Variants in PARD3B observed in about 807,000 individuals in gnomAD.
The protein encoded by PARD3B is partitioning defective 3 homolog B.
PARD3B carries 103 observed loss-of-function variants against 130.2 expected under a neutral mutation model. The observed-to-expected ratio is 0.79, with a 90% CI of 0.67 to 0.93. The LOEUF is 0.93. Ranked by LOEUF, PARD3B falls within the 40% of genes least tolerant of loss-of-function variation. The probability of loss-of-function intolerance (pLI) is 0.00; values close to 1 mark genes in which losing one functional copy is unlikely to be tolerated. For missense variants in PARD3B, 1,609 were observed against 1,499.2 expected, an observed-to-expected ratio of 1.07 and a Z score of -1.21; for synonymous variants, 583 against 553.2, an observed-to-expected ratio of 1.05 and a Z score of -0.76.
At chr2:205,346,879 G>C (rs143108201) in intron 18 of PARD3B, among the ~76,000 whole-genome samples, 16 of 152,176 alleles carry the variant, frequency 1.1e-4, no homozygotes, top group African/African-American at 3.9e-4. Context: ...TGGGTGTCTT[G>C]TCTCCTTTTT....
intron 21 of PARD3B, among the ~76,000 whole-genome samples, chr2:205,510,757 CAA>C (rs2050559047): frequency 6.6e-6 from 1 of 152,042 alleles, no homozygotes; most frequent in Non-Finnish European, 1.5e-5. Flanking sequence ...GGGTGAGATA[CAA>C]AGAGAATATA....
chr2:205,026,668 C>T (rs1697054954), intron 3 of PARD3B, among the ~76,000 whole-genome samples: 1 of 152,112 alleles, frequency 6.6e-6, no homozygotes, highest in South Asian at 2.1e-4. Flanking sequence ...ACCCTTTGAC[C>T]AACTTCTCAA....
chr2:204,962,601 T>C lies in PARD3B; in HGVS notation c.223-2551T>C, dbSNP rs149349111. Among the ~76,000 whole-genome samples, 487 of 152,280 alleles carry C rather than the reference T, an allele frequency of 3.2e-3. 5 individuals are homozygous for C. Among genetic ancestry groups the C allele is most frequent in the African/African-American group, 0.011 (454 of 41,554 alleles). ...TAATTAATGAGTCTCTGTAACACTG[T>C]CTTCTGGGGAGTCTGCTACCGAGGA... On this transcript the variant is annotated intron_variant, in intron 2 of 22. Coordinates refer to ENST00000406610, the MANE Select transcript of PARD3B (RefSeq NM_001302769.2).
intron 4 of PARD3B, among the ~76,000 whole-genome samples, chr2:205,066,904 G>T (rs1700416278): frequency 6.6e-6 from 1 of 151,980 alleles, no homozygotes; most frequent in Non-Finnish European, 1.5e-5. Flanking sequence ...CCCTGGATGA[G>T]TTGAAACTGA....
At chr2:204,873,272 T>C (rs1047094071) in intron 2 of PARD3B, among the ~76,000 whole-genome samples, 2 of 152,186 alleles carry the variant, frequency 1.3e-5, no homozygotes, top group African/African-American at 4.8e-5. Flanking sequence ...TCTTTTACCC[T>C]AAAGAGGACG....
At chr2:204,880,363 T>G (rs1426761754) in intron 2 of PARD3B, among the ~76,000 whole-genome samples, 1 of 152,028 alleles carries the variant, frequency 6.6e-6, no homozygotes, top group Non-Finnish European at 1.5e-5. Context: ...TACATGCAGT[T>G]TGAAATGCAG....
At chr2:205,264,370 G>A (rs1395272406) in intron 16 of PARD3B, among the ~76,000 whole-genome samples, 2 of 151,078 alleles carry the variant, frequency 1.3e-5, no homozygotes, top group Non-Finnish European at 3.0e-5. Flanking sequence ...TTAATGATCA[G>A]TCTCATTTTT....
At chr2:205,296,975 G>A (rs527853656) in intron 16 of PARD3B, among the ~76,000 whole-genome samples, 19 of 151,872 alleles carry the variant, frequency 1.3e-4, no homozygotes, top group African/African-American at 3.6e-4. Flanking sequence ...ACCACCTTGA[G>A]AATAATTTTT....
chr2:205,317,343 G>A (rs959926363), intron 18 of PARD3B, among the ~76,000 whole-genome samples: 2 of 152,174 alleles, frequency 1.3e-5, no homozygotes, highest in Non-Finnish European at 2.9e-5. Flanking sequence ...ACTGATTACA[G>A]GGTAGATATG....
intron 18 of PARD3B, among the ~76,000 whole-genome samples, chr2:205,385,342 G>A (rs977745830): frequency 6.6e-6 from 1 of 151,960 alleles, no homozygotes; most frequent in Non-Finnish European, 1.5e-5. Context: ...TGACTGATTT[G>A]GAAAAGAACA....
At chr2:204,656,128 C>T (rs761185294) in intron 1 of PARD3B, among the ~76,000 whole-genome samples, 14 of 152,092 alleles carry the variant, frequency 9.2e-5, no homozygotes, top group Non-Finnish European at 2.1e-4. Context: ...CTATTGGCCA[C>T]TGCAAATCAC....
chr2:204,838,170 T>G (rs13393061), intron 2 of PARD3B, among the ~76,000 whole-genome samples: 16,813 of 151,642 alleles, frequency 0.11, 1,319 homozygotes, highest in African/African-American at 0.22. Flanking sequence ...TTGAATCAGG[T>G]TTTGTTTTCG....
rs1297914586 is a variant in PARD3B at position 205,309,494 on chromosome 2, ACTAT to A, written c.2630+7798_2630+7801del. 1.3e-5 allele frequency among the ~76,000 whole-genome samples: 2 copies of A among 152,174 alleles called. No individual in the cohort carries two copies. Among genetic ancestry groups the A allele is most frequent in the East Asian group, 1.9e-4 (1 of 5,194 alleles). Reference sequence around the variant, plus strand: ...TTTACTTCATTTTATTCTAAAATATACTATCTATTTTATTTAAACTAGGGGAATT... The same window carrying A: ...TTTACTTCATTTTATTCTAAAATATACTATTTTATTTAAACTAGGGGAATT... On this transcript the variant is annotated intron_variant, in intron 18 of 22. Transcript: ENST00000406610. This position sits in a 1 kb window ranked among gnomAD's most constrained non-coding sequence, Gnocchi z 4.7.
intron 2 of PARD3B, among the ~76,000 whole-genome samples, chr2:204,877,309 A>T (rs1317904039): frequency 1.1e-4 from 17 of 152,304 alleles, no homozygotes; most frequent in African/African-American, 4.1e-4. Flanking sequence ...TGATGAGTTA[A>T]TGGGTGCAGC....
At chr2:204,603,562 T>A (rs1342940708) in intron 1 of PARD3B, among the ~76,000 whole-genome samples, 1 of 152,058 alleles carries the variant, frequency 6.6e-6, no homozygotes, top group Non-Finnish European at 1.5e-5. Flanking sequence ...CTTTTTTTTT[T>A]AAAGATCATA....
At chr2:205,436,322 T>C (rs2047515192) in intron 19 of PARD3B, among the ~76,000 whole-genome samples, 1 of 152,174 alleles carries the variant, frequency 6.6e-6, no homozygotes, top group African/African-American at 2.4e-5. Context: ...AGTTCTTAGT[T>C]TGCTGTTTTC....
At chr2:205,221,620 A>G (rs1384093720) in intron 15 of PARD3B, among the ~76,000 whole-genome samples, 1 of 152,126 alleles carries the variant, frequency 6.6e-6, no homozygotes, top group African/African-American at 2.4e-5. Flanking sequence ...TAATAATGGC[A>G]TATTTCAATC....
At chr2:205,363,832 CTTTTTTTTTTTTTTTTTT>C (rs59271830) in intron 18 of PARD3B, among the ~76,000 whole-genome samples, 10 of 97,202 alleles carry the variant, frequency 1.0e-4, no homozygotes, top group African/African-American at 4.4e-4. Context: ...GCCTGACTGA[CTTTTTTTTTTTTTTTTTT>C]TTTTTTTTTT....
intron 22 of PARD3B, among the ~76,000 whole-genome samples, chr2:205,573,399 A>T (rs887690331): frequency 6.6e-6 from 1 of 152,090 alleles, no homozygotes; most frequent in African/African-American, 2.4e-5. Flanking sequence ...ATGAGGAAGG[A>T]TGGGTGTAAG....
Sources: allele counts gnomAD v4.1 joint callset (sites outside exome capture counted in the v4.1 genomes callset), GRCh38; gene constraint gnomAD v4.1.1; non-coding constraint Gnocchi (gnomAD v3.1); transcripts MANE v1.5; gene names NCBI Gene and HGNC (gene_info 2026-07-23, HGNC 2026-07-21).